Variants in PCCA observed in about 807,000 individuals in gnomAD.
PCCA encodes propionyl-CoA carboxylase alpha chain, mitochondrial.
A neutral mutation model predicts 101.3 loss-of-function variants in PCCA; 74 were observed. That is an observed-to-expected ratio of 0.73 (90% CI 0.61 to 0.89). The LOEUF (loss-of-function observed/expected upper bound fraction) is 0.89, where lower values mean the gene tolerates loss of function less well. PCCA is among the 40% of genes least tolerant of loss of function. The pLI is 0.00. For missense variants in PCCA, 891 were observed against 907.0 expected (o/e 0.98, Z 0.23); for synonymous variants, 294 against 313.6 (o/e 0.94, Z 0.66).
intron 7 of PCCA, among the ~76,000 whole-genome samples, chr13:100,214,530 T>G (rs1433545024): frequency 6.6e-6 from 1 of 151,912 alleles, no homozygotes; most frequent in East Asian, 1.9e-4. Context: ...GTTCAAGCGA[T>G]TCTCCTGCCT....
chr13:100,131,870 A>T (rs906930675), intron 4 of PCCA, among the ~76,000 whole-genome samples: 2 of 152,182 alleles, frequency 1.3e-5, no homozygotes, highest in African/African-American at 4.8e-5. Flanking sequence ...AATTACATAC[A>T]TTTATGACAT....
chr13:100,375,631 C>T (rs967619279), intron 19 of PCCA, among the ~76,000 whole-genome samples: 2 of 152,114 alleles, frequency 1.3e-5, no homozygotes, highest in African/African-American at 4.8e-5. Context: ...CTTACAAGAG[C>T]TCCTGAAGGA....
intron 1 of PCCA, among the ~76,000 whole-genome samples, chr13:100,096,688 A>G (rs1031023692): frequency 2.0e-5 from 3 of 152,250 alleles, no homozygotes; most frequent in Non-Finnish European, 2.9e-5. Flanking sequence ...CAGTGAGCGC[A>G]CAACTGATTA....
intron 19 of PCCA, among the ~76,000 whole-genome samples, chr13:100,398,701 A>C (rs2152850854): frequency 6.6e-6 from 1 of 152,250 alleles, no homozygotes; most frequent in Non-Finnish European, 1.5e-5. Flanking sequence ...GAAAAGTAGC[A>C]ATTTAAGTAA....
Position 100,155,022 on chromosome 13 carries a change from C to G in PCCA, c.344C>G (p.Ala115Gly). Residue 115 changes from alanine (A) to glycine (G), a missense_variant, in exon 5 of 24, where the codon GCT (alanine) becomes GGT (glycine). Transcript: ENST00000376285. ...GATGAGGCTGTCTGTGTTGGCCCAG[C>G]TCCCACCAGTAAAAGCTACCTCAAC... ...MADEAVCVGP[A>G]PTSKSYLNMD... 1 of 1,614,074 alleles carries G rather than the reference C, an allele frequency of 6.2e-7. No individual in the cohort carries two copies. The highest frequency in any genetic ancestry group is 8.5e-7 in the Non-Finnish European group (1 of 1,179,976).
At chr13:100,482,117 C>T (rs2083989002) in intron 21 of PCCA, among the ~76,000 whole-genome samples, 1 of 152,186 alleles carries the variant, frequency 6.6e-6, no homozygotes, top group Admixed American at 6.5e-5. Flanking sequence ...GTCATTTCCC[C>T]TGAAATATCT....
At chr13:100,282,061 G>C (rs1355748532) in intron 12 of PCCA, among the ~76,000 whole-genome samples, 1 of 152,106 alleles carries the variant, frequency 6.6e-6, no homozygotes, top group Non-Finnish European at 1.5e-5. Flanking sequence ...TGTTTATCAT[G>C]AATTTTTCTT....
At chr13:100,348,457 A>T (rs981243721) in intron 18 of PCCA, among the ~76,000 whole-genome samples, 1 of 152,172 alleles carries the variant, frequency 6.6e-6, no homozygotes, top group Non-Finnish European at 1.5e-5. Context: ...CTTTTTAATA[A>T]TTATTCTTAA....
intron 6 of PCCA, among the ~76,000 whole-genome samples, chr13:100,190,989 T>C (rs981716432): frequency 6.6e-6 from 1 of 151,840 alleles, no homozygotes; most frequent in Admixed American, 6.6e-5. Context: ...CCCAGCTACT[T>C]TGGAGGCTGA....
rs9554698 is a variant in PCCA at position 100,512,889 on chromosome 13, G to A, written c.1900-2538G>A. On this transcript the variant is annotated intron_variant, in intron 21 of 23. Transcript: ENST00000376285. Reference sequence around the variant, plus strand: ...GCTTGTACCCCACGGTCCAGGTAGGGGCACATTCCTGAAGTCTCACAAAGC... The same window carrying A: ...GCTTGTACCCCACGGTCCAGGTAGGAGCACATTCCTGAAGTCTCACAAAGC... 2.9e-3 allele frequency among the ~76,000 whole-genome samples: 436 copies of A among 152,340 alleles called. 17 individuals are homozygous for A. The East Asian group carries it at 0.055, about 19-fold the overall frequency.
intron 6 of PCCA, among the ~76,000 whole-genome samples, chr13:100,181,612 G>T (rs1053308294): frequency 6.6e-6 from 1 of 151,820 alleles, no homozygotes; most frequent in African/African-American, 2.4e-5. Flanking sequence ...TTGTAGAGAT[G>T]TGGTCTCGCC....
At chr13:100,345,559 A>C (rs1482459982) in intron 18 of PCCA, among the ~76,000 whole-genome samples, 2 of 152,200 alleles carry the variant, frequency 1.3e-5, no homozygotes, top group Non-Finnish European at 2.9e-5. Context: ...CATAACATAA[A>C]AGTGGAGGGG....
chr13:100,255,379 G>A (rs568519828), intron 8 of PCCA, among the ~76,000 whole-genome samples: 1 of 152,238 alleles, frequency 6.6e-6, no homozygotes, highest in East Asian at 1.9e-4. Flanking sequence ...GTCATATTTT[G>A]AAATTCACAA....
intron 21 of PCCA, among the ~76,000 whole-genome samples, chr13:100,478,088 G>C (rs954954821): frequency 6.6e-6 from 1 of 152,224 alleles, no homozygotes; most frequent in Non-Finnish European, 1.5e-5. Context: ...ACTTGGCCTT[G>C]TTAGCTCAGA....
chr13:100,334,025 C>T (rs973156374), intron 17 of PCCA, among the ~76,000 whole-genome samples: 2 of 152,096 alleles, frequency 1.3e-5, no homozygotes, highest in Non-Finnish European at 2.9e-5. Flanking sequence ...ACCCACTATA[C>T]TACAGGACAG....
At chr13:100,465,370 A>G (rs1283289) in intron 21 of PCCA, among the ~76,000 whole-genome samples, 91,268 of 152,096 alleles carry the variant, frequency 0.6, 28,244 homozygotes, top group East Asian at 0.83. Context: ...TAGGACAAAC[A>G]TTTGATTATT....
chr13:100,504,767 T>G (rs1160561884), intron 21 of PCCA, among the ~76,000 whole-genome samples: 4 of 152,100 alleles, frequency 2.6e-5, no homozygotes, highest in Non-Finnish European at 4.4e-5. Context: ...AAACCCCATC[T>G]CTACTAAAAA....
At chr13:100,156,486 G>A (rs2053901636) in intron 5 of PCCA, among the ~76,000 whole-genome samples, 1 of 152,180 alleles carries the variant, frequency 6.6e-6, no homozygotes, top group Non-Finnish European at 1.5e-5. Flanking sequence ...GTTCAACACT[G>A]GCTGATACTG....
intron 19 of PCCA, among the ~76,000 whole-genome samples, chr13:100,390,407 A>T (rs1032330732): frequency 6.6e-6 from 1 of 152,184 alleles, no homozygotes; most frequent in African/African-American, 2.4e-5. Flanking sequence ...ATTGCATGTG[A>T]GGTTCTGTGG....
Sources: gnomAD v4.1 joint callset for allele counts (sites outside exome capture counted in the v4.1 genomes callset) on GRCh38, gnomAD v4.1.1 for gene constraint, MANE v1.5 for transcripts, NCBI Gene and HGNC (gene_info 2026-07-23, HGNC 2026-07-21) for gene names.